Variants in CFAP20DC observed in about 807,000 individuals in gnomAD.
CFAP20DC encodes protein CFAP20DC.
Under a neutral mutation model 101.7 loss-of-function variants are expected in CFAP20DC, and 84 were observed. That is an observed-to-expected ratio of 0.83 (90% CI 0.69 to 0.99). The LOEUF is 0.99. Ranked by LOEUF, CFAP20DC falls within the 50% of genes least tolerant of loss-of-function variation. The pLI is 0.00. For synonymous variants in CFAP20DC, 359 were observed against 351.2 expected (o/e 1.02, Z -0.25); for missense variants, 1,007 against 970.3 (o/e 1.04, Z -0.50).
intron 4 of CFAP20DC, among the ~76,000 whole-genome samples, chr3:58,977,342 T>C (rs1046405889): frequency 6.6e-6 from 1 of 152,234 alleles, no homozygotes; most frequent in Non-Finnish European, 1.5e-5. Flanking sequence ...ACCAAATGAT[T>C]AGCCTTTCTC....
chr3:58,790,440 T>A (rs1356779051), intron 15 of CFAP20DC, among the ~76,000 whole-genome samples: 1 of 152,204 alleles, frequency 6.6e-6, no homozygotes, highest in South Asian at 2.1e-4. Context: ...AAGTTGCCAT[T>A]TGGCCTGCCA....
intron 13 of CFAP20DC, among the ~76,000 whole-genome samples, chr3:58,835,886 T>A (rs1385838627): frequency 1.3e-5 from 2 of 152,224 alleles, no homozygotes; most frequent in Admixed American, 1.3e-4. Flanking sequence ...ACACTACTGC[T>A]GAGAGGCAAA....
chr3:59,036,032 C>G (rs2094096349), intron 4 of CFAP20DC, among the ~76,000 whole-genome samples: 1 of 152,218 alleles, frequency 6.6e-6, no homozygotes, highest in African/African-American at 2.4e-5. Context: ...ATCACATAAA[C>G]AGAACCAATG....
At chr3:58,944,664 T>C (rs2089106999) in intron 4 of CFAP20DC, among the ~76,000 whole-genome samples, 1 of 148,512 alleles carries the variant, frequency 6.7e-6, no homozygotes, top group Non-Finnish European at 1.5e-5. Flanking sequence ...CACAGAACCA[T>C]ATTATATTCT....
intron 4 of CFAP20DC, among the ~76,000 whole-genome samples, chr3:58,975,539 C>CTT (rs2092228160): frequency 1.3e-5 from 2 of 152,160 alleles, no homozygotes; most frequent in South Asian, 4.1e-4. Context: ...TTTTTCTATA[C>CTT]AGCATAATCT....
chr3:58,986,091 T>C (rs563256195), intron 4 of CFAP20DC, among the ~76,000 whole-genome samples: 30 of 152,342 alleles, frequency 2.0e-4, no homozygotes, highest in Admixed American at 1.9e-3. Flanking sequence ...TGAACTGAGC[T>C]AATGAATATT....
chr3:58,831,729 G>GTA lies in CFAP20DC; in HGVS notation c.2130_2131dup (p.Thr711IlefsTer28), dbSNP rs929079057. ...CCAGGTGGTTGTGTCGTCACTGCTGGTACTTATGCTGACATTACAGTTGTC... is the reference window on the plus strand; with the variant it reads ...CCAGGTGGTTGTGTCGTCACTGCTGGTATACTTATGCTGACATTACAGTTGTC... On this transcript the variant is annotated frameshift_variant, in exon 14 of 17. Transcript: ENST00000482387. LOFTEE classifies it high-confidence loss of function. The GTA allele has an allele frequency of 6.2e-6, 10 of 1,613,942 alleles. 1 individual carries two copies. The Admixed American group carries it at 1.7e-4, about 27-fold the overall frequency.
At chr3:58,879,671 A>C (rs886806617) in intron 7 of CFAP20DC, among the ~76,000 whole-genome samples, 1 of 152,176 alleles carries the variant, frequency 6.6e-6, no homozygotes, top group African/African-American at 2.4e-5. Flanking sequence ...GTAAATAAGA[A>C]AATATCAGGT....
intron 15 of CFAP20DC, among the ~76,000 whole-genome samples, chr3:58,782,193 T>G (rs1032664778): frequency 1.6e-4 from 24 of 152,120 alleles, no homozygotes; most frequent in Admixed American, 1.6e-3. Flanking sequence ...AGGTTTATAA[T>G]CAACTCAATA....
intron 4 of CFAP20DC, among the ~76,000 whole-genome samples, chr3:58,959,855 T>C (rs1225388124): frequency 6.6e-6 from 1 of 152,238 alleles, no homozygotes; most frequent in Admixed American, 6.5e-5. Flanking sequence ...ATTGTCATCT[T>C]AACAATACTG....
intron 14 of CFAP20DC, among the ~76,000 whole-genome samples, chr3:58,812,200 A>G (rs1257200346): frequency 6.6e-6 from 1 of 152,138 alleles, no homozygotes; most frequent in Non-Finnish European, 1.5e-5. Flanking sequence ...CCATCCCATT[A>G]CTGGGTATAT....
chr3:58,894,741 C>G lies in CFAP20DC; in HGVS notation c.551-10032G>C, dbSNP rs191337872. ...GGGAGTCTGTGTGGTGGCTCCAATC[C>G]CACATTTCCCTTCTGCACTGCCCTA... On this transcript the variant is annotated intron_variant, in intron 6 of 16. Coordinates refer to ENST00000482387, the MANE Select transcript of CFAP20DC (RefSeq NM_001394063.1). The surrounding 1 kb of genome is among the most constrained non-coding windows in gnomAD (Gnocchi z 4.1). Among the ~76,000 whole-genome samples the G allele has an allele frequency of 4.0e-4, 61 of 152,334 alleles. No individual in the cohort carries two copies. The highest frequency in any genetic ancestry group is 7.6e-4 in the Non-Finnish European group (52 of 68,026).
intron 14 of CFAP20DC, among the ~76,000 whole-genome samples, chr3:58,816,429 T>C (rs538870006): frequency 4.2e-4 from 64 of 152,186 alleles, no homozygotes; most frequent in African/African-American, 1.3e-3. Flanking sequence ...GGCCAGTGGG[T>C]GCGTGCACCG....
At chr3:58,972,057 CTATT>C (rs981419424) in intron 4 of CFAP20DC, among the ~76,000 whole-genome samples, 18 of 152,108 alleles carry the variant, frequency 1.2e-4, no homozygotes, top group African/African-American at 4.1e-4. Context: ...TAGTGGTTAA[CTATT>C]TATTTGAAAT....
At chr3:58,773,368 T>G (rs550864170) in intron 15 of CFAP20DC, among the ~76,000 whole-genome samples, 1 of 144,562 alleles carries the variant, frequency 6.9e-6, no homozygotes, top group East Asian at 2.0e-4. Flanking sequence ...ATGGGCAATA[T>G]AGTGAGACCT....
intron 4 of CFAP20DC, among the ~76,000 whole-genome samples, chr3:59,025,512 T>C (rs1005363611): frequency 2.0e-5 from 3 of 152,284 alleles, no homozygotes; most frequent in Admixed American, 6.5e-5. Context: ...ACTTATAAAT[T>C]AAAATATACT....
rs373577770 is a variant in CFAP20DC, at chr3:58,964,379, C to A, written c.279-26617G>T. Among the ~76,000 whole-genome samples, 7 of 152,188 alleles carry A rather than the reference C, an allele frequency of 4.6e-5. No individual in the cohort carries two copies. Among genetic ancestry groups the A allele is most frequent in the Non-Finnish European group, 1.0e-4 (7 of 68,030 alleles). On this transcript the variant is annotated intron_variant, in intron 4 of 16. Transcript: ENST00000482387. The surrounding 1 kb of genome is among the most constrained non-coding windows in gnomAD (Gnocchi z 4.1). The stretch of plus-strand genomic sequence containing the variant: ...TCTCCACCCCAAGGTGGGCATGTAA[C>A]GTGTATGTTTCCTTATCACTCATGC...
intron 4 of CFAP20DC, among the ~76,000 whole-genome samples, chr3:58,951,760 G>A (rs546483223): frequency 2.6e-5 from 4 of 152,198 alleles, no homozygotes; most frequent in African/African-American, 9.6e-5. Context: ...CCTGTTGTGG[G>A]GTGGGGGGAG....
At chr3:59,034,790 C>T (rs1478157303) in intron 4 of CFAP20DC, among the ~76,000 whole-genome samples, 1 of 152,130 alleles carries the variant, frequency 6.6e-6, no homozygotes, top group South Asian at 2.1e-4. Flanking sequence ...CTCAATGAGA[C>T]AGAAAATTAA....
Sources: allele counts gnomAD v4.1 joint callset (sites outside exome capture counted in the v4.1 genomes callset), GRCh38; gene constraint gnomAD v4.1.1; non-coding constraint Gnocchi (gnomAD v3.1); transcripts MANE v1.5; gene names NCBI Gene and HGNC (gene_info 2026-07-23, HGNC 2026-07-21).